Variants in SLCO5A1 observed in about 807,000 individuals in gnomAD.
The protein encoded by SLCO5A1 is solute carrier organic anion transporter family member 5A1, also known as organic anion transporter polypeptide-related protein 4.
Under a neutral mutation model 65.1 loss-of-function variants are expected in SLCO5A1, and 39 were observed. The ratio of observed to expected loss-of-function variants is 0.60; its 90% CI spans 0.46 to 0.78. SLCO5A1 has a LOEUF of 0.78. SLCO5A1 is among the 30% of genes least tolerant of loss of function. The pLI, the probability that SLCO5A1 is intolerant of heterozygous loss-of-function variation, is 0.00. For synonymous variants in SLCO5A1, 438 were observed against 415.7 expected (o/e 1.05, Z -0.65); for missense variants, 1,029 against 1,069.4 (o/e 0.96, Z 0.53).
At chr8:69,750,339 C>T (rs1017337164) in intron 4 of SLCO5A1, among the ~76,000 whole-genome samples, 1 of 152,140 alleles carries the variant, frequency 6.6e-6, no homozygotes. Context: ...CTGTCTGCAG[C>T]TGTCTACCTG....
intron 5 of SLCO5A1, among the ~76,000 whole-genome samples, chr8:69,736,644 T>C (rs1453713585): frequency 6.6e-6 from 1 of 152,228 alleles, no homozygotes; most frequent in Non-Finnish European, 1.5e-5. Flanking sequence ...AGTCGTCTTC[T>C]GGGAGTTTCA....
Position 69,741,243 on chromosome 8 carries a change from A to G in SLCO5A1, c.1259-3039T>C, listed in dbSNP as rs144320931. On this transcript the variant is annotated intron_variant, in intron 4 of 9. Coordinates refer to ENST00000260126, the MANE Select transcript of SLCO5A1 (RefSeq NM_030958.3). ...GATGTGCCTTACGGAGAAAATACTCATGTTAGATAAGCTTCCTTCAGGCAT... is the reference window on the plus strand; with the variant it reads ...GATGTGCCTTACGGAGAAAATACTCGTGTTAGATAAGCTTCCTTCAGGCAT... Among the ~76,000 whole-genome samples the G allele has an allele frequency of 5.1e-3, 780 of 152,358 alleles. 1 individual carries two copies. The highest frequency in any genetic ancestry group is 7.7e-3 in the Non-Finnish European group (522 of 68,034).
At chr8:69,739,134 G>A (rs1816690620) in intron 4 of SLCO5A1, among the ~76,000 whole-genome samples, 1 of 152,132 alleles carries the variant, frequency 6.6e-6, no homozygotes, top group South Asian at 2.1e-4. Flanking sequence ...AAAGCAAGCT[G>A]CAAAAATAGA....
At position 69,672,417 on chromosome 8, in the gene SLCO5A1, A is replaced by T. The variant is rs935548372; in HGVS notation, c.*452T>A. On this transcript the variant is annotated 3_prime_UTR_variant, in exon 10 of 10. Coordinates refer to ENST00000260126, the MANE Select transcript of SLCO5A1 (RefSeq NM_030958.3). Reference sequence around the variant, plus strand: ...ATACATTTTTCCAATCAAATTGCATAGTTGAGACAAATTCATTTGTGCTTT... The same window carrying T: ...ATACATTTTTCCAATCAAATTGCATTGTTGAGACAAATTCATTTGTGCTTT... The T allele has an allele frequency of 2.4e-5, 4 of 170,172 alleles. No homozygotes were observed. The highest frequency in any genetic ancestry group is 9.6e-5 in the African/African-American group (4 of 41,816). 10.5% of individuals were successfully genotyped at this position (170,172 alleles called of 1,614,324 possible). A position where few individuals can be genotyped will look rare whatever the true frequency, so the allele number is the denominator to read the frequency against.
At chr8:69,710,844 G>GTATC (rs1563676456) in intron 5 of SLCO5A1, among the ~76,000 whole-genome samples, 1 of 152,156 alleles carries the variant, frequency 6.6e-6, no homozygotes, top group East Asian at 1.9e-4. Flanking sequence ...CCCATCATCT[G>GTATC]TATCTCGCTG....
intron 5 of SLCO5A1, among the ~76,000 whole-genome samples, chr8:69,709,150 A>G (rs2959575): frequency 0.6 from 91,366 of 152,068 alleles, 27,662 homozygotes; most frequent in South Asian, 0.72. Flanking sequence ...AACTTTGCAT[A>G]TAAAAGGAAG....
At chr8:69,741,561 T>C (rs146597305) in intron 4 of SLCO5A1, among the ~76,000 whole-genome samples, 3 of 152,328 alleles carry the variant, frequency 2.0e-5, no homozygotes, top group African/African-American at 7.2e-5. Flanking sequence ...TAATTACTCA[T>C]TGATTAATAA....
intron 4 of SLCO5A1, among the ~76,000 whole-genome samples, chr8:69,754,575 C>A (rs1297542952): frequency 6.6e-6 from 1 of 152,072 alleles, no homozygotes; most frequent in Non-Finnish European, 1.5e-5. Flanking sequence ...TCAAAAAAAT[C>A]AATTCAGAGA....
intron 5 of SLCO5A1, among the ~76,000 whole-genome samples, chr8:69,728,783 A>T (rs1215679941): frequency 6.6e-6 from 1 of 152,184 alleles, no homozygotes; most frequent in Non-Finnish European, 1.5e-5. Context: ...AAAGAGATAA[A>T]ATATAATATC....
chr8:69,682,113 A>G lies in SLCO5A1; in HGVS notation c.1782+71T>C, dbSNP rs1011228510. On this transcript the variant is annotated intron_variant, in intron 7 of 9. Coordinates refer to ENST00000260126, the MANE Select transcript of SLCO5A1 (RefSeq NM_030958.3). ...GAAAGACTGAAGTCATTGTAGCTGCATAGGAATTTCATCACATCCTTGTCA... is the reference window on the plus strand; with the variant it reads ...GAAAGACTGAAGTCATTGTAGCTGCGTAGGAATTTCATCACATCCTTGTCA... 8 of 1,491,082 alleles carry G rather than the reference A, an allele frequency of 5.4e-6. No individual in the cohort carries two copies. In the African/African-American group the frequency reaches 1.0e-4, roughly 19 times the overall value. 92.4% of individuals were successfully genotyped at this position (1,491,082 alleles called of 1,614,324 possible). A position where few individuals can be genotyped will look rare whatever the true frequency, so the allele number is the denominator to read the frequency against.
At chr8:69,779,263 C>A (rs983425342) in intron 2 of SLCO5A1, among the ~76,000 whole-genome samples, 7 of 152,168 alleles carry the variant, frequency 4.6e-5, no homozygotes, top group African/African-American at 1.7e-4. Flanking sequence ...TAAGCTATGA[C>A]TATAAACCAC....
At chr8:69,798,493 G>A (rs931803330) in intron 2 of SLCO5A1, among the ~76,000 whole-genome samples, 2 of 152,148 alleles carry the variant, frequency 1.3e-5, no homozygotes, top group South Asian at 2.1e-4. Flanking sequence ...CAATGCAAGA[G>A]GAAGAGAGAG....
At chr8:69,822,006 A>C (rs77287917) in intron 2 of SLCO5A1, among the ~76,000 whole-genome samples, 9,408 of 151,976 alleles carry the variant, frequency 0.062, 445 homozygotes, top group East Asian at 0.25. Context: ...GGTGCCTGTA[A>C]TCCCAGCTAC....
intron 2 of SLCO5A1, among the ~76,000 whole-genome samples, chr8:69,800,245 ATTTTT>A (rs749384852): frequency 4.9e-5 from 4 of 81,298 alleles, no homozygotes; most frequent in African/African-American, 2.1e-4. Context: ...AGACGCTTGA[ATTTTT>A]TTTTTTTTTT....
At chr8:69,729,842 C>A (rs992732190) in intron 5 of SLCO5A1, among the ~76,000 whole-genome samples, 1 of 152,152 alleles carries the variant, frequency 6.6e-6, no homozygotes, top group African/African-American at 2.4e-5. Flanking sequence ...TCACCTCTTA[C>A]CATTTTATAT....
chr8:69,755,421 T>C lies in SLCO5A1; in HGVS notation c.1258+3A>G, dbSNP rs772260522. On this transcript the variant is annotated splice_donor_region_variant and intron_variant, in intron 4 of 9. Coordinates refer to ENST00000260126, the MANE Select transcript of SLCO5A1 (RefSeq NM_030958.3). ...ATGTATTTATTCAAGAGGTATACTT[T>C]ACCTCTGACATCCTTTCCAAATCCC... 2 of 1,612,284 alleles carry C rather than the reference T, an allele frequency of 1.2e-6. No homozygotes were observed. Among genetic ancestry groups the C allele is most frequent in the South Asian group, 2.2e-5 (2 of 90,962 alleles).
chr8:69,703,123 AAG>A (rs1814824085), intron 6 of SLCO5A1, among the ~76,000 whole-genome samples: 1 of 77,904 alleles, frequency 1.3e-5, no homozygotes, highest in Admixed American at 1.2e-4. Context: ...AAAAAAAAAA[AAG>A]AAAAAAGAAA....
At chr8:69,733,692 A>C (rs73285550) in intron 5 of SLCO5A1, among the ~76,000 whole-genome samples, 3,423 of 152,232 alleles carry the variant, frequency 0.022, 136 homozygotes, top group African/African-American at 0.077. Context: ...ATGGTTTTAT[A>C]AGGCAGTTTT....
At chr8:69,827,095 A>G (rs1400934349) in intron 2 of SLCO5A1, among the ~76,000 whole-genome samples, 1 of 144,452 alleles carries the variant, frequency 6.9e-6, no homozygotes, top group Non-Finnish European at 1.5e-5. Context: ...GAAATTGAAC[A>G]ATGAGAACAC....
Sources: gnomAD v4.1 joint callset for allele counts (sites outside exome capture counted in the v4.1 genomes callset) on GRCh38, gnomAD v4.1.1 for gene constraint, MANE v1.5 for transcripts, NCBI Gene and HGNC (gene_info 2026-07-23, HGNC 2026-07-21) for gene names.